The following RAB27A variants were observed in gnomAD, a reference collection of about 807,000 sequenced individuals.
The protein encoded by RAB27A is ras-related protein Rab-27A.
In RAB27A, 17 loss-of-function variants were observed where a neutral mutation model predicts 20.8. That is an observed-to-expected ratio of 0.82 (90% CI 0.56 to 1.23). The LOEUF (loss-of-function observed/expected upper bound fraction) is 1.23, where lower values mean the gene tolerates loss of function less well. Ranked by LOEUF, RAB27A falls within the 50% of genes most tolerant of loss-of-function variation. The pLI is 0.00. For synonymous variants in RAB27A, 85 were observed against 92.8 expected (o/e 0.92, Z 0.48); for missense variants, 277 against 266.7 (o/e 1.04, Z -0.27).
At chr15:55,234,308 C>G (rs564559561) in intron 3 of RAB27A, among the ~76,000 whole-genome samples, 3 of 152,294 alleles carry the variant, frequency 2.0e-5, no homozygotes, top group African/African-American at 7.2e-5. Context: ...TGGCATTCCC[C>G]ACTCCTACTC....
In RAB27A at chr15:55,210,109, CACAT is replaced by C. The variant is rs1444920975; in HGVS notation, c.468-4408_468-4405del. ...ACACATATATGTGTGTATATATACA[CACAT>C]ACACATATGTATATATAGTGTATAT... is the stretch of plus-strand genomic sequence containing the variant. On this transcript the variant is annotated intron_variant, in intron 6 of 6. Transcript: ENST00000336787. Among the ~76,000 whole-genome samples, 214 of 142,490 alleles carry C rather than the reference CACAT, an allele frequency of 1.5e-3. 1 individual carries two copies. Among genetic ancestry groups the C allele is most frequent in the African/African-American group, 5.5e-3 (206 of 37,392 alleles). 93.5% of individuals were successfully genotyped at this position (142,490 alleles called of 152,430 possible).
intron 6 of RAB27A, among the ~76,000 whole-genome samples, 188 bp downstream of exon 6, chr15:55,223,701 G>A (rs1304471876): frequency 1.3e-5 from 2 of 152,012 alleles, no homozygotes; most frequent in Non-Finnish European, 2.9e-5. Flanking sequence ...ACTGAAGGAG[G>A]CCCTTGCCAC....
At position 55,228,720 on chromosome 15, in the gene RAB27A, C is replaced by T. The variant is rs928130000; in HGVS notation, c.240-8G>A. ...GTCGTTAAGCTACGAAACCTAGGAA[C>T]ATAAAAGCAGAATGGTCAGTTAAAC... On this transcript the variant is annotated splice_region_variant and splice_polypyrimidine_tract_variant and intron_variant, in intron 4 of 6. Coordinates refer to ENST00000336787, the MANE Select transcript of RAB27A (RefSeq NM_183235.3). 7 of 1,596,694 alleles carry T rather than the reference C, an allele frequency of 4.4e-6. No homozygotes were observed. The highest frequency in any genetic ancestry group is 1.7e-5 in the Admixed American group (1 of 59,986).
chr15:55,222,999 G>T (rs2140955350), intron 6 of RAB27A, among the ~76,000 whole-genome samples: 1 of 152,022 alleles, frequency 6.6e-6, no homozygotes, highest in Admixed American at 6.5e-5. Flanking sequence ...TGCTGCTGCT[G>T]CTGCTGCTGC....
rs140805846 is a variant in RAB27A, at chr15:55,308,269, A to C, written c.-112+5770T>G. Among the ~76,000 whole-genome samples, 1,490 of 152,242 alleles carry C rather than the reference A, an allele frequency of 9.8e-3. 9 individuals carry two copies. Among genetic ancestry groups the C allele is most frequent in the Admixed American group, 0.017 (261 of 15,292 alleles). Reference sequence around the variant, plus strand: ...CTGTACAGCGAATAATAATCTCCTAATGGCTTCCTGATGTTTGATAGGTGT... The same window carrying C: ...CTGTACAGCGAATAATAATCTCCTACTGGCTTCCTGATGTTTGATAGGTGT... On this transcript the variant is annotated intron_variant, in intron 2 of 5. Transcript: ENST00000563262.
intron 1 of RAB27A, among the ~76,000 whole-genome samples, chr15:55,284,573 A>G (rs1220696404): frequency 6.6e-6 from 1 of 152,254 alleles, no homozygotes; most frequent in Non-Finnish European, 1.5e-5. Context: ...GAGAAAAGTC[A>G]AAGTGTCTCA....
chr15:55,248,074 C>T (rs1463660015), intron 2 of RAB27A, among the ~76,000 whole-genome samples: 1 of 152,004 alleles, frequency 6.6e-6, no homozygotes, highest in Non-Finnish European at 1.5e-5. Context: ...GCTGGGACTC[C>T]AGGCGCCCAT....
At chr15:55,221,478 G>A (rs1342397749) in intron 6 of RAB27A, among the ~76,000 whole-genome samples, 3 of 152,092 alleles carry the variant, frequency 2.0e-5, no homozygotes, top group Non-Finnish European at 4.4e-5. Flanking sequence ...CAGGGGAGCA[G>A]GGGGACATTT....
rs1894546286 is a variant in RAB27A, at chr15:55,204,431, GA to G, written c.*1075del. 1 of 152,140 alleles carries G rather than the reference GA, an allele frequency of 6.6e-6. No individual in the cohort carries two copies. The highest frequency in any genetic ancestry group is 2.4e-5 in the African/African-American group (1 of 41,436). The allele number at this position is 152,140 out of a possible 1,614,324, so 9.4% of individuals were successfully genotyped here. A position where few individuals can be genotyped will look rare whatever the true frequency, so the allele number is the denominator to read the frequency against. On this transcript the variant is annotated 3_prime_UTR_variant, in exon 7 of 7. Coordinates refer to ENST00000336787, the MANE Select transcript of RAB27A (RefSeq NM_183235.3). ...AGTACAAATGTGACTGCTTCAATATGAACATCTATCTTCCACCAAATAGCAA... is the reference window on the plus strand; with the variant it reads ...AGTACAAATGTGACTGCTTCAATATGACATCTATCTTCCACCAAATAGCAA...
chr15:55,273,177 C>T (rs1197274282), intron 1 of RAB27A, among the ~76,000 whole-genome samples: 2 of 151,968 alleles, frequency 1.3e-5, no homozygotes, highest in African/African-American at 2.4e-5. Flanking sequence ...GAGGCCAAGG[C>T]GGGCAGATCA....
chr15:55,214,232 C>G (rs8040841), intron 6 of RAB27A, among the ~76,000 whole-genome samples: 106,769 of 152,182 alleles, frequency 0.7, 42,978 homozygotes, highest in East Asian at 0.89. Flanking sequence ...GTCGGGAGAT[C>G]GAGACCATCC....
chr15:55,206,108 G>A (rs1488976393), intron 6 of RAB27A, among the ~76,000 whole-genome samples: 1 of 152,072 alleles, frequency 6.6e-6, no homozygotes, highest in Non-Finnish European at 1.5e-5. Flanking sequence ...CTACTGGGGA[G>A]GCTGAGGCTC....
At chr15:55,208,626 C>T (rs1894767556) in intron 6 of RAB27A, among the ~76,000 whole-genome samples, 1 of 152,118 alleles carries the variant, frequency 6.6e-6, no homozygotes, top group Non-Finnish European at 1.5e-5. Flanking sequence ...CCTCTGTGTG[C>T]CTCCCTCAGG....
chr15:55,286,342 GGA>G (rs1898152554), intron 1 of RAB27A, among the ~76,000 whole-genome samples: 1 of 152,126 alleles, frequency 6.6e-6, no homozygotes, highest in African/African-American at 2.4e-5. Context: ...TGGCCATCCT[GGA>G]GCTTGTCTTC....
At position 55,274,048 on chromosome 15, in the gene RAB27A, C is replaced by A. The variant is rs141966495; in HGVS notation, c.-142-3764G>T. On this transcript the variant is annotated intron_variant, in intron 1 of 6. Coordinates refer to ENST00000336787, the MANE Select transcript of RAB27A (RefSeq NM_183235.3). ...AGACGATCGAAATCATATTAATTAT[C>A]TTTTCTGACCACACCGATATGTAAC... Among the ~76,000 whole-genome samples, 152 of 152,296 alleles carry A rather than the reference C, an allele frequency of 1.0e-3. 1 individual carries two copies. Among genetic ancestry groups the A allele is most frequent in the African/African-American group, 3.6e-3 (148 of 41,558 alleles).
At chr15:55,267,287 C>T (rs759324092) in intron 2 of RAB27A, among the ~76,000 whole-genome samples, 5 of 152,106 alleles carry the variant, frequency 3.3e-5, no homozygotes, top group South Asian at 2.1e-4. Flanking sequence ...GGGTATGAAA[C>T]GGGGAAAACA....
At chr15:55,208,255 A>G (rs956178461) in intron 6 of RAB27A, among the ~76,000 whole-genome samples, 5 of 152,254 alleles carry the variant, frequency 3.3e-5, no homozygotes, top group Admixed American at 2.6e-4. Context: ...TTGTGTGAAG[A>G]CAACAATTAC....
intron 5 of RAB27A, 73 bp downstream of exon 5, chr15:55,228,536 G>C: frequency 8.8e-7 from 1 of 1,140,912 alleles, no homozygotes; most frequent in Non-Finnish European, 1.3e-6. Flanking sequence ...TGTCACAGAA[G>C]TAGAGCATAA....
At chr15:55,265,060 T>C (rs1013446949) in intron 2 of RAB27A, among the ~76,000 whole-genome samples, 3 of 152,058 alleles carry the variant, frequency 2.0e-5, no homozygotes, top group African/African-American at 4.8e-5. Context: ...CTGACCAACA[T>C]GGTGAAACCC....
Sources: gnomAD v4.1 joint callset for allele counts (sites outside exome capture counted in the v4.1 genomes callset) on GRCh38, gnomAD v4.1.1 for gene constraint, MANE v1.5 for transcripts, NCBI Gene and HGNC (gene_info 2026-07-23, HGNC 2026-07-21) for gene names.